The following CIMAP2 variants were observed in gnomAD, a reference collection of about 807,000 sequenced individuals.
The protein encoded by CIMAP2 is ciliary microtubule-associated protein 2.
chr1:54,833,669 G>T, the CIMAP2 span, among the ~76,000 whole-genome samples: 1 of 152,202 alleles, frequency 6.6e-6, no homozygotes, highest in Middle Eastern at 3.4e-3. Context: ...GAGTGGGCCA[G>T]GTTTTTCATC....
chr1:54,813,871 C>T, the CIMAP2 span: 37 of 1,613,742 alleles, frequency 2.3e-5, no homozygotes, highest in Non-Finnish European at 3.1e-5. Flanking sequence ...ACTTAACTCA[C>T]ATCACAATAA....
the CIMAP2 span, among the ~76,000 whole-genome samples, chr1:54,828,032 G>T: frequency 6.6e-6 from 1 of 152,162 alleles, no homozygotes; most frequent in East Asian, 1.9e-4. Flanking sequence ...ATGAAGTCAA[G>T]AACAAGATAG....
chr1:54,832,768 C>A, the CIMAP2 span, among the ~76,000 whole-genome samples: 9 of 152,260 alleles, frequency 5.9e-5, no homozygotes, highest in East Asian at 1.5e-3. Flanking sequence ...TGGCTTACAC[C>A]TATAGTCCCA....
the CIMAP2 span, among the ~76,000 whole-genome samples, chr1:54,812,489 C>T: frequency 6.6e-6 from 1 of 152,230 alleles, no homozygotes; most frequent in Non-Finnish European, 1.5e-5. Flanking sequence ...GTGAAGATGG[C>T]CCACAGTGCC....
the CIMAP2 span, among the ~76,000 whole-genome samples, chr1:54,838,954 C>T: frequency 6.6e-6 from 1 of 152,142 alleles, no homozygotes; most frequent in African/African-American, 2.4e-5. Context: ...TAGACTCTAC[C>T]TCTTGATGGG....
the CIMAP2 span, among the ~76,000 whole-genome samples, chr1:54,830,663 G>A: frequency 0.098 from 14,901 of 152,194 alleles, 885 homozygotes; most frequent in Non-Finnish European, 0.13. The surrounding 1 kb of genome is among the most constrained non-coding windows in gnomAD (Gnocchi z 4.1). Context: ...AGACAGTGGG[G>A]GAGAGAAACT....
chr1:54,840,772 T>C, the CIMAP2 span, among the ~76,000 whole-genome samples: 1 of 152,270 alleles, frequency 6.6e-6, no homozygotes, highest in African/African-American at 2.4e-5. Context: ...TGATGTCTTC[T>C]TTTGGTGAAG....
At chr1:54,839,614 G>C in the CIMAP2 span, among the ~76,000 whole-genome samples, 3 of 152,052 alleles carry the variant, frequency 2.0e-5, no homozygotes, top group Non-Finnish European at 4.4e-5. Flanking sequence ...TTGACCTCAG[G>C]TGATCCACCT....
chr1:54,807,510 C>T, the CIMAP2 span: 180 of 1,508,702 alleles, frequency 1.2e-4, no homozygotes, highest in Admixed American at 4.6e-5. Context: ...ACAGCTCTGA[C>T]CACACTCTGA....
At chr1:54,812,644 C>A in the CIMAP2 span, among the ~76,000 whole-genome samples, 8 of 152,050 alleles carry the variant, frequency 5.3e-5, no homozygotes, top group Non-Finnish European at 8.8e-5. Context: ...AGGAGGGGAA[C>A]TTGAGGTAGA....
chr1:54,837,395 C>T, the CIMAP2 span, among the ~76,000 whole-genome samples: 2 of 152,122 alleles, frequency 1.3e-5, no homozygotes, highest in Admixed American at 6.5e-5. Flanking sequence ...CATCTCTTAG[C>T]TGTGTGGCCC....
At chr1:54,808,502 G>A in the CIMAP2 span, among the ~76,000 whole-genome samples, 1 of 152,070 alleles carries the variant, frequency 6.6e-6, no homozygotes, top group African/African-American at 2.4e-5. Context: ...TGTGGCCAGA[G>A]GGCACTGGCC....
At chr1:54,811,493 A>G in the CIMAP2 span, among the ~76,000 whole-genome samples, 1 of 152,160 alleles carries the variant, frequency 6.6e-6, no homozygotes, top group Non-Finnish European at 1.5e-5. Context: ...GTGCTTGAGG[A>G]GCAGCAAGAA....
chr1:54,820,656 G>A, the CIMAP2 span, among the ~76,000 whole-genome samples: 2 of 151,968 alleles, frequency 1.3e-5, no homozygotes, highest in African/African-American at 4.8e-5. Context: ...CCTCAATTGG[G>A]GTTTTGATTT....
At chr1:54,821,178 AC>A in the CIMAP2 span, among the ~76,000 whole-genome samples, 96 of 149,706 alleles carry the variant, frequency 6.4e-4, 1 homozygote, top group East Asian at 0.018. Flanking sequence ...CCTATTCTAC[AC>A]GTTGTCTCTT....
chr1:54,812,000 G>C, the CIMAP2 span: 1 of 1,614,062 alleles, frequency 6.2e-7, no homozygotes, highest in African/African-American at 1.3e-5. Context: ...GGCAGAGGGG[G>C]AAGCTGAGCT....
At chr1:54,806,215 C>G in the CIMAP2 span, 2 of 1,534,290 alleles carry the variant, frequency 1.3e-6, no homozygotes, top group Non-Finnish European at 1.7e-6. Context: ...GGGTGCAGAG[C>G]CACAGGTGGG....
chr1:54,839,005 G>A, the CIMAP2 span, among the ~76,000 whole-genome samples: 1 of 152,180 alleles, frequency 6.6e-6, no homozygotes, highest in South Asian at 2.1e-4. Context: ...CCAATACAAG[G>A]AGCTATGGAG....
the CIMAP2 span, among the ~76,000 whole-genome samples, chr1:54,831,132 A>T: frequency 0.015 from 2,218 of 152,288 alleles, 62 homozygotes; most frequent in African/African-American, 0.051. Flanking sequence ...GGCATATTTC[A>T]TACTTCTCTT....
Sources: gnomAD v4.1 joint callset for allele counts (sites outside exome capture counted in the v4.1 genomes callset) on GRCh38, gnomAD v4.1.1 for gene constraint, Gnocchi (gnomAD v3.1) non-coding constraint, MANE v1.5 for transcripts, NCBI Gene and HGNC (gene_info 2026-07-23, HGNC 2026-07-21) for gene names.